Variants in DNAH12 observed in about 807,000 individuals in gnomAD.
DNAH12 encodes axonemal beta dynein heavy chain 12.
In DNAH12, 285 loss-of-function variants were observed where a neutral mutation model predicts 371.5. The observed-to-expected ratio is 0.77, with a 90% confidence interval of 0.70 to 0.85. The LOEUF is 0.85. DNAH12 is among the 40% of genes least tolerant of loss of function. DNAH12 has a pLI of 0.00. For synonymous variants in DNAH12, 1,200 were observed against 1,213.0 expected, an observed-to-expected ratio of 0.99 and a Z score of 0.22; for missense variants, 3,611 against 3,689.4, an observed-to-expected ratio of 0.98 and a Z score of 0.55.
At chr3:57,325,083 G>A (rs1472493984) in intron 62 of DNAH12, among the ~76,000 whole-genome samples, 1 of 152,258 alleles carries the variant, frequency 6.6e-6, no homozygotes, top group Admixed American at 6.5e-5. Context: ...CCAACTGGGT[G>A]GAACCCACCA....
At chr3:57,448,615 T>A (rs6804040) in intron 25 of DNAH12, among the ~76,000 whole-genome samples, 3 of 152,074 alleles carry the variant, frequency 2.0e-5, no homozygotes, top group Non-Finnish European at 2.9e-5. Context: ...AACCCGACCA[T>A]GTTGCCAATG....
chr3:57,322,876 G>A, intron 64 of DNAH12, 131 bp downstream of exon 64: 1 of 1,311,508 alleles, frequency 7.6e-7, no homozygotes, highest in Non-Finnish European at 1.0e-6. Context: ...TTTGCGGTGA[G>A]CCGAAATTGC....
intron 2 of DNAH12, among the ~76,000 whole-genome samples, chr3:57,531,515 A>C (rs768345900): frequency 2.0e-5 from 3 of 152,064 alleles, no homozygotes; most frequent in Admixed American, 6.6e-5. Flanking sequence ...TAATCCCAGC[A>C]CTTTAGGAGG....
chr3:57,420,090 T>C (rs949004077), intron 36 of DNAH12, among the ~76,000 whole-genome samples: 1 of 152,210 alleles, frequency 6.6e-6, no homozygotes, highest in Non-Finnish European at 1.5e-5. Flanking sequence ...AGGATATATA[T>C]CAGCATAGCT....
chr3:57,405,819 G>C lies in DNAH12; in HGVS notation c.6410C>G (p.Thr2137Ser), dbSNP rs2064007966. The change falls in exon 41 of 74, where the codon ACT becomes AGT. Residue 2137 changes from threonine to serine, a missense_variant. Thr to Ser is a moderately conservative substitution (Grantham distance 58). Transcript: ENST00000495027. ...CTCATGCACAAACAGACGGATCATAGTGTGTTTGTTCGCCACGGCGTCTCT... is the reference window on the plus strand; with the variant it reads ...CTCATGCACAAACAGACGGATCATACTGTGTTTGTTCGCCACGGCGTCTCT... The part of the protein sequence containing the change: ...IERDAVANKH[T>S]MIRLFVHEVL... 1 of 1,551,602 alleles carries C rather than the reference G, an allele frequency of 6.4e-7. No individual in the cohort carries two copies. The highest frequency in any genetic ancestry group is 2.0e-5 in the Admixed American group (1 of 50,976).
chr3:57,530,566 T>C, intron 2 of DNAH12: 1 of 676,272 alleles, frequency 1.5e-6, no homozygotes, highest in Non-Finnish European at 2.7e-6. Context: ...TTGTTTAAAA[T>C]CTCTTCCTCC....
chr3:57,521,063 CAAAAAAAAAAAAAA>C (rs61570396), intron 4 of DNAH12, among the ~76,000 whole-genome samples: 37 of 54,476 alleles, frequency 6.8e-4, no homozygotes, highest in East Asian at 2.4e-3. Flanking sequence ...GACTCTGTCT[CAAAAAAAAAAAAAA>C]AAAAAAAAAA....
chr3:57,501,969 C>G (rs532010795), intron 10 of DNAH12, among the ~76,000 whole-genome samples: 1 of 151,830 alleles, frequency 6.6e-6, no homozygotes, highest in Non-Finnish European at 1.5e-5. Flanking sequence ...AGCAGTGGCG[C>G]GATCTCGGCT....
At chr3:57,544,163 G>A (rs961336231) in intron 1 of DNAH12, 34 bp downstream of exon 1, 1 of 152,236 alleles carries the variant, frequency 6.6e-6, no homozygotes, top group Non-Finnish European at 1.5e-5. Flanking sequence ...CCTGCCCTGG[G>A]AGAGAAAGGA....
At chr3:57,538,547 A>C (rs2069147106) in intron 2 of DNAH12, among the ~76,000 whole-genome samples, 1 of 152,178 alleles carries the variant, frequency 6.6e-6, no homozygotes, top group African/African-American at 2.4e-5. Flanking sequence ...CAACAAAGAA[A>C]ATAAAAGTAC....
chr3:57,304,134 GC>G (rs2061420848), intron 69 of DNAH12, among the ~76,000 whole-genome samples: 1 of 148,690 alleles, frequency 6.7e-6, no homozygotes, highest in South Asian at 2.1e-4. Flanking sequence ...TTATAAAACG[GC>G]CCCACCCCAT....
At chr3:57,376,668 T>C (rs1369563226) in intron 53 of DNAH12, among the ~76,000 whole-genome samples, 3 of 152,100 alleles carry the variant, frequency 2.0e-5, no homozygotes, top group African/African-American at 2.4e-5. Context: ...CTCCAAACAT[T>C]ACAAAAAATT....
chr3:57,432,168 CTTTTT>C (rs61049709), intron 32 of DNAH12, among the ~76,000 whole-genome samples: 1 of 131,244 alleles, frequency 7.6e-6, no homozygotes, highest in Non-Finnish European at 1.6e-5. Flanking sequence ...TTCAGTATAT[CTTTTT>C]TTTTTTTTTT....
rs1441456322 is a variant in DNAH12, at chr3:57,366,915, A to G, written c.8981T>C (p.Ile2994Thr). Reference sequence around the variant, plus strand: ...GACCTCACCAAGTCTGATGCAATCAATGCCACCTATATTTCAGAAAACAAA... The same window carrying G: ...GACCTCACCAAGTCTGATGCAATCAGTGCCACCTATATTTCAGAAAACAAA... ...LLRQTFKQGG[I>T]DCIRLGEVII... The change falls in exon 57 of 74, where the codon ATT (isoleucine) becomes ACT (threonine). Residue 2994 changes from isoleucine to threonine, a missense_variant. By Grantham distance (89) the Ile-to-Thr change is moderately conservative (BLOSUM62 -1). This residue lies in a region of DNAH12 where 2,266 missense variants were observed against 2,236.9 expected (regional missense o/e 1.01). Transcript: ENST00000495027. 2.0e-5 allele frequency: 3 copies of G among 152,262 alleles called. No individual in the cohort carries two copies. Among genetic ancestry groups the G allele is most frequent in the Non-Finnish European group, 2.9e-5 (2 of 68,054 alleles). The allele number at this position is 152,262 out of a possible 1,614,324, so 9.4% of individuals were successfully genotyped here.
Position 57,293,795 on chromosome 3 carries a change from G to T in DNAH12, c.11869C>A (p.Gln3957Lys). The T allele has an allele frequency of 6.5e-7, 1 of 1,539,390 alleles. No homozygotes were observed. Among genetic ancestry groups the T allele is most frequent in the South Asian group, 1.2e-5 (1 of 83,304 alleles). Reference protein sequence around the residue: ...WIKRGVALLCQLDD With the variant: ...WIKRGVALLCKLDD ...ATTTGTCCAATTTAGTCATCCAACT[G>T]ACAAAGCAAAGCAACCCCGCGCTTG... is the stretch of plus-strand genomic sequence containing the variant. The change falls in exon 74 of 74, where the codon CAG becomes AAG. Residue 3957 changes from glutamine to lysine, a missense_variant. Physicochemically the swap from Gln to Lys is moderately conservative, Grantham distance 53. Transcript: ENST00000495027.
In DNAH12 at chr3:57,301,677, T is replaced by TAC. The variant is rs57748737; in HGVS notation, c.11394+56_11394+57dup. Reference sequence around the variant, plus strand: ...ATTTTACATATTTATACATGTATTTTACACACACACACACACACACACACA... The same window carrying TAC: ...ATTTTACATATTTATACATGTATTTTACACACACACACACACACACACACACA... On this transcript the variant is annotated intron_variant, in intron 70 of 73. Coordinates refer to ENST00000495027, the MANE Select transcript of DNAH12 (RefSeq NM_001366028.2). The TAC allele has an allele frequency of 1.5e-3, 1,722 of 1,151,868 alleles. 1 individual carries two copies. Among genetic ancestry groups the TAC allele is most frequent in the South Asian group, 2.6e-3 (180 of 68,050 alleles). 71.4% of individuals were successfully genotyped at this position (1,151,868 alleles called of 1,614,324 possible). A position where few individuals can be genotyped will look rare whatever the true frequency, so the allele number is the denominator to read the frequency against.
chr3:57,409,736 A>G (rs1209068420), intron 39 of DNAH12, among the ~76,000 whole-genome samples: 1 of 152,134 alleles, frequency 6.6e-6, no homozygotes, highest in Non-Finnish European at 1.5e-5. Context: ...AAATTCGTCT[A>G]CCCTTGTCTT....
chr3:57,390,424 A>AAAAATATATATATATATATATATATATAT, intron 45 of DNAH12, among the ~76,000 whole-genome samples: 2 of 33,434 alleles, frequency 6.0e-5, no homozygotes, highest in Non-Finnish European at 7.0e-5. Context: ...AAAAAAAAAA[A>AAAAATATATATATATATATATATATATAT]ATATATATAT....
chr3:57,401,892 T>C (rs1421391517), intron 43 of DNAH12, among the ~76,000 whole-genome samples: 2 of 152,188 alleles, frequency 1.3e-5, no homozygotes, highest in African/African-American at 4.8e-5. Flanking sequence ...TTGGATAACC[T>C]AGCAGAAATG....
Sources: allele counts gnomAD v4.1 joint callset (sites outside exome capture counted in the v4.1 genomes callset), GRCh38; gene constraint gnomAD v4.1.1; regional missense constraint gnomAD v4.1.1; transcripts MANE v1.5; gene names NCBI Gene and HGNC (gene_info 2026-07-23, HGNC 2026-07-21).